The following SEPTIN14 variants were observed in gnomAD, a reference collection of about 807,000 sequenced individuals.
The protein encoded by SEPTIN14 is septin 14, also known as septin-14.
In SEPTIN14, 40 loss-of-function variants were observed where a neutral mutation model predicts 53.6. The observed-to-expected ratio is 0.75, with a 90% confidence interval of 0.58 to 0.97. SEPTIN14 has a LOEUF of 0.97. Ranked by LOEUF, SEPTIN14 falls within the 50% of genes least tolerant of loss-of-function variation. The pLI is 0.00. For missense variants in SEPTIN14, 471 were observed against 508.2 expected (o/e 0.93, Z 0.70); for synonymous variants, 138 against 166.8 (o/e 0.83, Z 1.33).
intron 6 of SEPTIN14, among the ~76,000 whole-genome samples, chr7:55,826,311 A>T (rs1189760454): frequency 3.9e-5 from 6 of 152,130 alleles, no homozygotes; most frequent in Non-Finnish European, 8.8e-5. Flanking sequence ...GCATACCCTG[A>T]CCTATATCAC....
chr7:55,835,622 A>G (rs987906221), intron 5 of SEPTIN14, among the ~76,000 whole-genome samples: 3 of 152,130 alleles, frequency 2.0e-5, no homozygotes, highest in East Asian at 3.8e-4. Flanking sequence ...CACTTTTTCC[A>G]TCAATCAATC....
rs1241671533 is a variant in SEPTIN14 at position 55,807,026 on chromosome 7, T to A, written c.986+64A>T. 2.1e-5 allele frequency: 25 copies of A among 1,168,200 alleles called. No individual in the cohort carries two copies. In the East Asian group the frequency reaches 6.5e-4, roughly 30 times the overall value. 72.4% of individuals were successfully genotyped at this position (1,168,200 alleles called of 1,614,324 possible). ...AATTATTCTCATATCCAAATTATCA[T>A]ACCTTGTGTTTGTAGGGACTCCTAA... On this transcript the variant is annotated intron_variant, in intron 8 of 9. Transcript: ENST00000388975.
chr7:55,804,709 C>T (rs1220263790), intron 9 of SEPTIN14, among the ~76,000 whole-genome samples: 11 of 152,144 alleles, frequency 7.2e-5, no homozygotes, highest in Non-Finnish European at 1.6e-4. Flanking sequence ...GCCACCTACA[C>T]TTGAGAGAAA....
At chr7:55,814,756 C>A (rs1310930219) in intron 7 of SEPTIN14, among the ~76,000 whole-genome samples, 1 of 152,084 alleles carries the variant, frequency 6.6e-6, no homozygotes, top group African/African-American at 2.4e-5. Context: ...TCAATGCGAT[C>A]CCTATCAAAA....
intron 6 of SEPTIN14, among the ~76,000 whole-genome samples, chr7:55,832,811 C>G (rs1789133465): frequency 6.6e-6 from 1 of 152,026 alleles, no homozygotes; most frequent in African/African-American, 2.4e-5. Flanking sequence ...GATCACGCCA[C>G]TGCACACCAG....
chr7:55,822,924 C>A (rs1788922566), intron 6 of SEPTIN14, among the ~76,000 whole-genome samples: 1 of 151,896 alleles, frequency 6.6e-6, no homozygotes, highest in South Asian at 2.1e-4. Flanking sequence ...GAACACACGG[C>A]CCTCCTGCAC....
At chr7:55,851,074 G>A (rs1789508278) in intron 2 of SEPTIN14, among the ~76,000 whole-genome samples, 2 of 151,922 alleles carry the variant, frequency 1.3e-5, no homozygotes, top group African/African-American at 2.4e-5. Flanking sequence ...TGAAACTCTT[G>A]TCTCACAAAA....
intron 2 of SEPTIN14, among the ~76,000 whole-genome samples, chr7:55,848,129 C>A (rs780570012): frequency 6.6e-6 from 1 of 152,174 alleles, no homozygotes; most frequent in Non-Finnish European, 1.5e-5. Flanking sequence ...GAAGCATCAA[C>A]AATCAGCTCA....
chr7:55,836,695 G>A (rs368644504), intron 5 of SEPTIN14, among the ~76,000 whole-genome samples: 2 of 152,082 alleles, frequency 1.3e-5, no homozygotes, highest in Admixed American at 6.6e-5. Flanking sequence ...CCGAGATTGC[G>A]CCATTGCACT....
At chr7:55,815,678 A>G (rs1439748660) in intron 7 of SEPTIN14, among the ~76,000 whole-genome samples, 1 of 152,258 alleles carries the variant, frequency 6.6e-6, no homozygotes, top group African/African-American at 2.4e-5. Context: ...AAAAGCTTTT[A>G]TCCAAAAGAC....
At chr7:55,846,232 C>A (rs914730818) in intron 3 of SEPTIN14, among the ~76,000 whole-genome samples, 1 of 151,178 alleles carries the variant, frequency 6.6e-6, no homozygotes, top group African/African-American at 2.4e-5. Flanking sequence ...GTGTCTCATG[C>A]CTGTAATCCC....
intron 2 of SEPTIN14, among the ~76,000 whole-genome samples, chr7:55,855,287 C>T (rs535322698): frequency 1.3e-5 from 2 of 152,250 alleles, no homozygotes; most frequent in Admixed American, 1.3e-4. Context: ...GGATTACAGG[C>T]GTGAGCCACG....
intron 2 of SEPTIN14, chr7:55,850,908 T>TA (rs1789504789): frequency 6.6e-6 from 1 of 150,536 alleles, no homozygotes; most frequent in Non-Finnish European, 1.5e-5. Flanking sequence ...CGGTCTCTAC[T>TA]AAAAATACAA....
chr7:55,859,342 A>G (rs1194772432), intron 2 of SEPTIN14, among the ~76,000 whole-genome samples: 1 of 152,102 alleles, frequency 6.6e-6, no homozygotes, highest in Admixed American at 6.6e-5. Context: ...TCCTGGAACC[A>G]TTTAGTGAAG....
At chr7:55,825,027 A>T (rs541780205) in intron 6 of SEPTIN14, among the ~76,000 whole-genome samples, 443 of 152,338 alleles carry the variant, frequency 2.9e-3, no homozygotes, top group Non-Finnish European at 4.4e-3. Context: ...ACTTGCGTCC[A>T]TACAAAAGCC....
intron 8 of SEPTIN14, among the ~76,000 whole-genome samples, chr7:55,806,231 C>T (rs1788607627): frequency 6.6e-6 from 1 of 151,970 alleles, no homozygotes; most frequent in Admixed American, 6.6e-5. Flanking sequence ...AAACTCCTGA[C>T]CTCAGGTAAT....
At chr7:55,862,218 T>G (rs548921731) in intron 1 of SEPTIN14, among the ~76,000 whole-genome samples, 184 of 152,262 alleles carry the variant, frequency 1.2e-3, no homozygotes, top group African/African-American at 4.4e-3. Flanking sequence ...ACTTATAATG[T>G]AGAGTAATAC....
At chr7:55,829,774 T>G (rs929482506) in intron 6 of SEPTIN14, among the ~76,000 whole-genome samples, 1 of 118,878 alleles carries the variant, frequency 8.4e-6, no homozygotes, top group Non-Finnish European at 1.6e-5. Context: ...TGAGCCGAGA[T>G]AGCGCCACTG....
At chr7:55,857,691 C>T (rs1407950593) in intron 2 of SEPTIN14, among the ~76,000 whole-genome samples, 2 of 147,548 alleles carry the variant, frequency 1.4e-5, no homozygotes, top group African/African-American at 5.0e-5. Flanking sequence ...GGGTTCACGC[C>T]ATTCTCCTGC....
Sources: allele counts gnomAD v4.1 joint callset (sites outside exome capture counted in the v4.1 genomes callset), GRCh38; gene constraint gnomAD v4.1.1; transcripts MANE v1.5; gene names NCBI Gene and HGNC (gene_info 2026-07-23, HGNC 2026-07-21).